The following COL22A1 variants were observed in gnomAD, a reference collection of about 807,000 sequenced individuals.
COL22A1 encodes the protein collagen type XXII alpha 1 chain, also known as collagen alpha-1(XXII) chain.
COL22A1 carries 221 observed loss-of-function variants against 248.9 expected under a neutral mutation model. That is an observed-to-expected ratio of 0.89 (90% CI 0.80 to 0.99). The LOEUF is 0.99. Among genes scored for constraint, COL22A1 ranks in the 50% least tolerant of loss-of-function variants. COL22A1 has a pLI of 0.00. For synonymous variants in COL22A1, 891 were observed against 793.4 expected (o/e 1.12, Z -2.07); for missense variants, 2,240 against 2,179.0 (o/e 1.03, Z -0.56).
At chr8:138,906,396 G>A (rs997458297) in intron 1 of COL22A1, among the ~76,000 whole-genome samples, 7 of 150,838 alleles carry the variant, frequency 4.6e-5, no homozygotes, top group Admixed American at 2.0e-4. Flanking sequence ...CTACATATTG[G>A]TCTGTCTTCT....
intron 28 of COL22A1, 141 bp downstream of exon 28, chr8:138,716,684 G>A (rs1829458510): frequency 3.0e-6 from 2 of 673,494 alleles, no homozygotes; most frequent in Non-Finnish European, 5.3e-6. Flanking sequence ...GTTCTTCAAT[G>A]TCCAGTTTAT....
chr8:138,626,215 C>A lies in COL22A1; in HGVS notation c.3692G>T (p.Gly1231Val). ...PGKEGPPGPQ[G>V]PSGLPGIPGE... ...TGGGATTCCGGGTAATCCAGATGGGCCTTGGGGGCCAGGAGGGCCTTCTTT... is the reference window on the plus strand; with the variant it reads ...TGGGATTCCGGGTAATCCAGATGGGACTTGGGGGCCAGGAGGGCCTTCTTT... Residue 1231 changes from glycine (G) to valine (V), a missense_variant, in exon 51 of 65, where the codon GGC becomes GTC. Physicochemically the swap from Gly to Val is moderately radical, Grantham distance 109. Transcript: ENST00000303045. 6.2e-7 allele frequency: 1 copy of A among 1,607,244 alleles called. No homozygotes were observed. The highest frequency in any genetic ancestry group is 1.1e-5 in the South Asian group (1 of 89,576).
Position 138,700,119 on chromosome 8 carries a change from C to T in COL22A1, c.2585G>A (p.Arg862Gln), listed in dbSNP as rs200384982. ...GGCACCGCTACTACTTACGGGCATCCGTGGATGTGGTGTGAACAGGGATGT... is the reference window on the plus strand; with the variant it reads ...GGCACCGCTACTACTTACGGGCATCTGTGGATGTGGTGTGAACAGGGATGT... The part of the protein sequence containing the change: ...GTTSLFTPHP[R>Q]MPGEQGPKGE... The change falls in exon 32 of 65, where the codon CGG (arginine) becomes CAG (glutamine). Residue 862 changes from arginine to glutamine, a missense_variant. By Grantham distance (43) the Arg-to-Gln change is conservative. Transcript: ENST00000303045. 9.2e-5 allele frequency: 149 copies of T among 1,613,318 alleles called. No homozygotes were observed. The highest frequency in any genetic ancestry group is 8.3e-5 in the Admixed American group (5 of 59,954).
At chr8:138,624,086 C>G (rs559004132) in intron 51 of COL22A1, among the ~76,000 whole-genome samples, 2 of 152,094 alleles carry the variant, frequency 1.3e-5, no homozygotes, top group African/African-American at 4.8e-5. Flanking sequence ...TGGGCATTTT[C>G]GTGAAGTCAA....
chr8:138,614,833 T>G (rs1819183937), intron 55 of COL22A1, among the ~76,000 whole-genome samples: 1 of 152,190 alleles, frequency 6.6e-6, no homozygotes, highest in Non-Finnish European at 1.5e-5. Flanking sequence ...TAGGTCAGAT[T>G]TCTCCTGAGT....
At chr8:138,662,190 A>T in intron 42 of COL22A1, 107 bp from the exon 43 acceptor site, 1 of 882,454 alleles carries the variant, frequency 1.1e-6, no homozygotes, top group Non-Finnish European at 1.8e-6. Flanking sequence ...GTCTGTTGCT[A>T]TGAGGAATCT....
intron 45 of COL22A1, among the ~76,000 whole-genome samples, chr8:138,651,616 T>C (rs946456916): frequency 3.3e-5 from 5 of 152,166 alleles, no homozygotes; most frequent in Non-Finnish European, 7.3e-5. Flanking sequence ...AACTGTACTT[T>C]GCTTGAAAGA....
intron 4 of COL22A1, among the ~76,000 whole-genome samples, chr8:138,836,288 G>C (rs949267356): frequency 6.6e-6 from 1 of 151,724 alleles, no homozygotes; most frequent in African/African-American, 2.4e-5. Flanking sequence ...AAGAAGAAAA[G>C]AAAAGGAAAG....
chr8:138,835,483 C>G (rs185629011), intron 4 of COL22A1, among the ~76,000 whole-genome samples: 4 of 152,290 alleles, frequency 2.6e-5, no homozygotes, highest in African/African-American at 9.6e-5. Flanking sequence ...ATGGGTTGAT[C>G]CAGCTGAGAG....
intron 1 of COL22A1, among the ~76,000 whole-genome samples, chr8:138,897,334 T>C (rs1825490772): frequency 1.3e-5 from 2 of 151,986 alleles, no homozygotes; most frequent in South Asian, 4.2e-4. Context: ...ATTCACAAGG[T>C]CAAGAGATCG....
intron 41 of COL22A1, among the ~76,000 whole-genome samples, chr8:138,665,096 G>A (rs1276937223): frequency 6.6e-6 from 1 of 152,156 alleles, no homozygotes; most frequent in Non-Finnish European, 1.5e-5. Context: ...ATGCCCCAGA[G>A]CTGTCTAATA....
chr8:138,591,541 C>A (rs756102729), intron 63 of COL22A1, 40 bp from the exon 64 acceptor site: 3 of 1,453,932 alleles, frequency 2.1e-6, no homozygotes, highest in Non-Finnish European at 2.8e-6. Context: ...TGGAGACCCC[C>A]GGGGAGGACA....
chr8:138,906,106 C>T (rs1017519045), intron 1 of COL22A1, among the ~76,000 whole-genome samples: 4 of 152,134 alleles, frequency 2.6e-5, no homozygotes, highest in Admixed American at 1.3e-4. Flanking sequence ...GGTGGTGGCT[C>T]ACGCCTGTAA....
In COL22A1 at chr8:138,838,670, C is replaced by CA. The variant is rs58257635; in HGVS notation, c.733+5413dup. Among the ~76,000 whole-genome samples the CA allele has an allele frequency of 2.5e-3, 331 of 133,814 alleles. 1 individual carries two copies. Among genetic ancestry groups the CA allele is most frequent in the African/African-American group, 4.0e-3 (143 of 35,768 alleles). 87.8% of individuals were successfully genotyped at this position (133,814 alleles called of 152,430 possible). On this transcript the variant is annotated intron_variant, in intron 4 of 64. Coordinates refer to ENST00000303045, the MANE Select transcript of COL22A1 (RefSeq NM_152888.3). ...TTAACTAGGTGGCAGCAAAGGGCAC[C>CA]AAAAAAAAAAAAAGATAAATTGCCC...
chr8:138,718,814 G>T (rs911590265), intron 27 of COL22A1, among the ~76,000 whole-genome samples: 1 of 152,190 alleles, frequency 6.6e-6, no homozygotes, highest in African/African-American at 2.4e-5. Context: ...AAAGCAGTAG[G>T]CTTCTCTGAA....
At chr8:138,728,451 C>G (rs1392621234) in intron 23 of COL22A1, among the ~76,000 whole-genome samples, 1 of 152,092 alleles carries the variant, frequency 6.6e-6, no homozygotes, top group Non-Finnish European at 1.5e-5. Context: ...AGTTCCCTTC[C>G]CTCCTTACAT....
intron 23 of COL22A1, among the ~76,000 whole-genome samples, chr8:138,727,096 C>T (rs1376854100): frequency 1.3e-5 from 2 of 152,160 alleles, no homozygotes; most frequent in African/African-American, 4.8e-5. Flanking sequence ...TTTAGAACAG[C>T]CAGTGATCCC....
Position 138,616,033 on chromosome 8 carries a change from G to T in COL22A1, c.3892C>A (p.Leu1298Ile). The change falls in exon 55 of 65, where the codon CTT (leucine) becomes ATT (isoleucine). Residue 1298 changes from leucine to isoleucine, a missense_variant. Transcript: ENST00000303045. The part of the protein sequence containing the change: ...GPRGESGAMG[L>I]PGQEGLPGKD... ...CCTGGTAACCCTTCCTGACCAGGAAGCCCCATGGCACCAGACTCTCCCTAG... is the reference window on the plus strand; with the variant it reads ...CCTGGTAACCCTTCCTGACCAGGAATCCCCATGGCACCAGACTCTCCCTAG... The T allele has an allele frequency of 6.2e-7, 1 of 1,613,450 alleles. No individual in the cohort carries two copies.
intron 12 of COL22A1, among the ~76,000 whole-genome samples, chr8:138,781,719 C>A (rs1013155246): frequency 4.6e-5 from 7 of 152,076 alleles, no homozygotes; most frequent in South Asian, 2.1e-4. Context: ...AACTCCAGCA[C>A]CTCTAAGCTC....
Sources: gnomAD v4.1 joint callset for allele counts (sites outside exome capture counted in the v4.1 genomes callset) on GRCh38, gnomAD v4.1.1 for gene constraint, MANE v1.5 for transcripts, NCBI Gene and HGNC (gene_info 2026-07-23, HGNC 2026-07-21) for gene names.